The following TUBD1 variants were observed in gnomAD, a reference collection of about 807,000 sequenced individuals.
The protein encoded by TUBD1 is tubulin delta chain.
Under a neutral mutation model 51.2 loss-of-function variants are expected in TUBD1, and 38 were observed. The observed-to-expected ratio is 0.74, with a 90% CI of 0.57 to 0.97. The LOEUF (loss-of-function observed/expected upper bound fraction) is 0.97, where lower values mean the gene tolerates loss of function less well. Ranked by LOEUF, TUBD1 falls within the 50% of genes least tolerant of loss-of-function variation. The pLI, the probability that TUBD1 is intolerant of heterozygous loss-of-function variation, is 0.00. For synonymous variants in TUBD1, 169 were observed against 178.2 expected (o/e 0.95, Z 0.41); for missense variants, 489 against 538.4 (o/e 0.91, Z 0.91).
At chr17:59,881,752 C>T (rs950201850) in intron 3 of TUBD1, among the ~76,000 whole-genome samples, 2 of 152,020 alleles carry the variant, frequency 1.3e-5, no homozygotes, top group Non-Finnish European at 2.9e-5. Flanking sequence ...TCTCGGCTCA[C>T]TCCCCCTCCC....
At chr17:59,869,061 T>C (rs2039855295) in intron 6 of TUBD1, among the ~76,000 whole-genome samples, 1 of 151,724 alleles carries the variant, frequency 6.6e-6, no homozygotes, top group Non-Finnish European at 1.5e-5. Context: ...AAAGAATATA[T>C]GAAGAGTTAT....
rs890280025 is a variant in TUBD1 at position 59,869,131 on chromosome 17, A to G, written c.935-2382T>C. ...ATATATATTTATTCATATACTATTC[A>G]TACATGTGTATGAAAACATTTATAT... On this transcript the variant is annotated intron_variant, in intron 6 of 8. Transcript: ENST00000325752. 1.3e-5 allele frequency among the ~76,000 whole-genome samples: 2 copies of G among 151,950 alleles called. 1 individual carries two copies. Among genetic ancestry groups the G allele is most frequent in the Non-Finnish European group, 2.9e-5 (2 of 67,952 alleles).
In TUBD1 at chr17:59,879,205, T is replaced by C. The variant is rs191577750; in HGVS notation, c.538-871A>G. On this transcript the variant is annotated intron_variant, in intron 4 of 8. Transcript: ENST00000325752. ...ATCACTTGAACCCGGGAGGCGGAGG[T>C]TGCGGTGAGCCAAGATCGTGCCATT... 4.2e-3 allele frequency among the ~76,000 whole-genome samples: 624 copies of C among 148,224 alleles called. 2 individuals carry two copies. Among genetic ancestry groups the C allele is most frequent in the African/African-American group, 0.015 (597 of 40,202 alleles).
intron 6 of TUBD1, among the ~76,000 whole-genome samples, chr17:59,870,372 C>CAAAAAAAAAAAAAAAA (rs530315478): frequency 1.3e-5 from 1 of 77,982 alleles, no homozygotes; most frequent in Non-Finnish European, 2.6e-5. Flanking sequence ...CTCCATCTCA[C>CAAAAAAAAAAAAAAAA]AAAAAAAAAA....
intron 8 of TUBD1, among the ~76,000 whole-genome samples, chr17:59,862,714 ATTTT>A (rs71145582): frequency 2.5e-4 from 14 of 56,984 alleles, no homozygotes; most frequent in African/African-American, 1.1e-3. Context: ...TAATTTTTGT[ATTTT>A]TTTTTTTTTT....
intron 4 of TUBD1, chr17:59,878,601 C>A (rs780228707): frequency 5.8e-5 from 19 of 326,350 alleles, no homozygotes; most frequent in Non-Finnish European, 9.7e-5. Context: ...TGTGTCTCAG[C>A]CCCGAGCAGC....
intron 8 of TUBD1, among the ~76,000 whole-genome samples, chr17:59,861,103 C>A (rs538689437): frequency 1.7e-4 from 26 of 152,008 alleles, no homozygotes; most frequent in South Asian, 8.3e-4. Flanking sequence ...CAGTCCAGTT[C>A]TAGGAATGGA....
In TUBD1 at chr17:59,863,710, G is replaced by C. The variant is rs2039569500; in HGVS notation, c.1213C>G (p.Pro405Ala). The change falls in exon 8 of 9, where the codon CCA becomes GCA. Residue 405 changes from proline (P) to alanine (A), a missense_variant. Transcript: ENST00000325752. ...LVSNSQFLVK[P>A]LDMIVGKAWN... is the part of the protein sequence containing the mutation. ...GCCTTCCCAACAATCATATCAAGTG[G>C]TTTTACTAAGAACTGGCTGTTGCTG... is the stretch of plus-strand genomic sequence containing the variant. 3 of 1,602,728 alleles carry C rather than the reference G, an allele frequency of 1.9e-6. No individual in the cohort carries two copies. Among genetic ancestry groups the C allele is most frequent in the Non-Finnish European group, 2.5e-6 (3 of 1,176,812 alleles).
At chr17:59,882,308 G>C (rs2040524574) in intron 3 of TUBD1, among the ~76,000 whole-genome samples, 1 of 151,964 alleles carries the variant, frequency 6.6e-6, no homozygotes. Context: ...TTTTGAGGCG[G>C]AGTCTCGCTC....
chr17:59,872,973 G>A (rs563652582), intron 6 of TUBD1, among the ~76,000 whole-genome samples: 2 of 151,894 alleles, frequency 1.3e-5, no homozygotes, highest in African/African-American at 4.8e-5. Context: ...ATGTTGCCCA[G>A]GCTGGTCTCG....
chr17:59,891,029 C>T lies in TUBD1; in HGVS notation c.-27G>A. On this transcript the variant is annotated 5_prime_UTR_variant, in exon 2 of 9. Coordinates refer to ENST00000325752, the MANE Select transcript of TUBD1 (RefSeq NM_016261.4). ...CTGAGCCACAAACTAGGTGTATTAC[C>T]TCTAAAAACAACCTGTAATCGAAAA... 6.3e-7 allele frequency: 1 copy of T among 1,580,414 alleles called. No homozygotes were observed. Among genetic ancestry groups the T allele is most frequent in the Non-Finnish European group, 8.6e-7 (1 of 1,165,278 alleles).
At position 59,860,532 on chromosome 17, in the gene TUBD1, TCACA is replaced by T. The variant is rs1312196609; in HGVS notation, c.1260-112_1260-109del. On this transcript the variant is annotated intron_variant, in intron 8 of 8. Transcript: ENST00000325752. ...TTTCTAGCTGATGAACATTTGAAGATCACACAATCGTTCAGAAGTCTTACATTTG... is the reference window on the plus strand; with the variant it reads ...TTTCTAGCTGATGAACATTTGAAGATCAATCGTTCAGAAGTCTTACATTTG... 5.8e-6 allele frequency: 4 copies of T among 683,782 alleles called. No individual in the cohort carries two copies. The African/African-American group carries it at 7.3e-5, about 13-fold the overall frequency. The allele number at this position is 683,782 out of a possible 1,614,324, so 42.4% of individuals were successfully genotyped here.
intron 3 of TUBD1, among the ~76,000 whole-genome samples, chr17:59,881,659 T>C (rs2040493587): frequency 6.8e-6 from 1 of 147,964 alleles, no homozygotes; most frequent in South Asian, 2.1e-4. Flanking sequence ...GTTGGGAACA[T>C]TACAATTCTT....
chr17:59,875,073 C>CTTTTTTTT (rs10679203), intron 5 of TUBD1, among the ~76,000 whole-genome samples: 10 of 87,292 alleles, frequency 1.1e-4, no homozygotes, highest in African/African-American at 2.2e-4. Flanking sequence ...TTGTTATATT[C>CTTTTTTTT]TTTTTTTTTT....
At chr17:59,885,474 G>C in intron 3 of TUBD1, 1 of 1,574,718 alleles carries the variant, frequency 6.4e-7, no homozygotes, top group Admixed American at 1.7e-5. Flanking sequence ...GACCAAAGCA[G>C]TATCCTTACA....
chr17:59,889,986 A>AAG (rs1555639478), intron 2 of TUBD1, among the ~76,000 whole-genome samples: 17 of 150,434 alleles, frequency 1.1e-4, no homozygotes, highest in African/African-American at 3.9e-4. Flanking sequence ...AAAAAAAAAA[A>AAG]AGAGAGACAG....
At chr17:59,860,787 A>G (rs536965235) in intron 8 of TUBD1, among the ~76,000 whole-genome samples, 70 of 152,028 alleles carry the variant, frequency 4.6e-4, no homozygotes, top group Middle Eastern at 3.4e-3. Context: ...GGGTTTCACC[A>G]TAATGGCCAG....
intron 6 of TUBD1, among the ~76,000 whole-genome samples, chr17:59,868,591 G>A (rs965178056): frequency 1.3e-5 from 2 of 152,048 alleles, no homozygotes; most frequent in Non-Finnish European, 2.9e-5. Flanking sequence ...TGTAATCCCA[G>A]CACTTTGCGA....
rs2040968272 is a variant in TUBD1, at chr17:59,890,863, T to C, written c.140A>G (p.Lys47Arg). The C allele has an allele frequency of 6.2e-7, 1 of 1,613,482 alleles. No homozygotes were observed. Among genetic ancestry groups the C allele is most frequent in the Admixed American group, 1.7e-5 (1 of 59,832 alleles). Residue 47 changes from lysine to arginine, a missense_variant, in exon 2 of 9, where the codon AAA becomes AGA. Physicochemically the swap from Lys to Arg is conservative, Grantham distance 26. Transcript: ENST00000325752. ...RENEAYQASC[K>R]ERFFSEEENG... The stretch of plus-strand genomic sequence containing the variant: ...CTCCTCCTCACTGAAGAATCTTTCT[T>C]TGCAAGATGCTTGATATGCCTCATT...
Sources: gnomAD v4.1 joint callset for allele counts (sites outside exome capture counted in the v4.1 genomes callset) on GRCh38, gnomAD v4.1.1 for gene constraint, MANE v1.5 for transcripts, NCBI Gene and HGNC (gene_info 2026-07-23, HGNC 2026-07-21) for gene names.